SLC41A2: variants seen among roughly 807,000 people sequenced by gnomAD.
SLC41A2 encodes the protein solute carrier family 41 member 2.
A neutral mutation model predicts 58.3 loss-of-function variants in SLC41A2; 32 were observed. The ratio of observed to expected loss-of-function variants is 0.55; its 90% confidence interval spans 0.41 to 0.74. SLC41A2 has a LOEUF of 0.74. SLC41A2 is among the 30% of genes least tolerant of loss of function. SLC41A2 has a pLI of 0.00. For synonymous variants in SLC41A2, 190 were observed against 235.0 expected (o/e 0.81, Z 1.75); for missense variants, 514 against 680.6 (o/e 0.76, Z 2.72).
intron 10 of SLC41A2, among the ~76,000 whole-genome samples, chr12:104,806,595 G>C (rs1040463994): frequency 6.6e-6 from 1 of 151,896 alleles, no homozygotes; most frequent in Admixed American, 6.6e-5. Flanking sequence ...TGGGATGGCT[G>C]GGTCAAATGG....
At chr12:104,957,182 C>T (rs111777944) in intron 1 of SLC41A2, among the ~76,000 whole-genome samples, 1 of 145,456 alleles carries the variant, frequency 6.9e-6, no homozygotes, top group Non-Finnish European at 1.5e-5. Context: ...ACTGATACAA[C>T]AATATTAATA....
chr12:104,852,745 G>T (rs1468837981), intron 8 of SLC41A2, among the ~76,000 whole-genome samples: 1 of 151,838 alleles, frequency 6.6e-6, no homozygotes, highest in Non-Finnish European at 1.5e-5. Flanking sequence ...ATTATTGAAG[G>T]GGCTAATTAA....
At chr12:104,907,356 C>T (rs1225100959) in intron 3 of SLC41A2, among the ~76,000 whole-genome samples, 2 of 152,232 alleles carry the variant, frequency 1.3e-5, no homozygotes, top group East Asian at 3.9e-4. Context: ...TGGCTACATA[C>T]TATAGACTAA....
At chr12:104,843,864 G>A (rs1262224712) in intron 10 of SLC41A2, among the ~76,000 whole-genome samples, 2 of 152,074 alleles carry the variant, frequency 1.3e-5, no homozygotes, top group African/African-American at 4.8e-5. Context: ...TAATGCTTCT[G>A]AGCATATAGG....
rs116973505 is a variant in SLC41A2 at position 104,873,543 on chromosome 12, C to T, written c.1028-6964G>A. ...ATTTCATTTCCTTTGGATACATACC[C>T]AAAAGGGAGATTGCTGAGTCATGCA... On this transcript the variant is annotated intron_variant, in intron 6 of 10. Coordinates refer to ENST00000258538, the MANE Select transcript of SLC41A2 (RefSeq NM_001352171.3). 1.7e-3 allele frequency among the ~76,000 whole-genome samples: 265 copies of T among 152,212 alleles called. 1 individual carries two copies. The highest frequency in any genetic ancestry group is 3.0e-3 in the Non-Finnish European group (205 of 67,992).
At chr12:104,891,123 T>C (rs1251873681) in intron 4 of SLC41A2, among the ~76,000 whole-genome samples, 1 of 152,168 alleles carries the variant, frequency 6.6e-6, no homozygotes, top group Admixed American at 6.5e-5. Context: ...TTTTGTCTAC[T>C]TGTGACTGGG....
chr12:104,849,559 G>C (rs1381013540), intron 8 of SLC41A2, among the ~76,000 whole-genome samples: 1 of 152,212 alleles, frequency 6.6e-6, no homozygotes, highest in Admixed American at 6.5e-5. Flanking sequence ...CAAGTGCAGT[G>C]GCTCACACCT....
chr12:104,853,924 T>TA lies in SLC41A2; in HGVS notation c.1255+7366_1255+7367insT, dbSNP rs754224175. 6.6e-3 allele frequency among the ~76,000 whole-genome samples: 903 copies of TA among 136,748 alleles called. 29 individuals carry two copies. The highest frequency in any genetic ancestry group is 0.011 in the Non-Finnish European group (723 of 63,396). 89.7% of individuals were successfully genotyped at this position (136,748 alleles called of 152,430 possible). A position where few individuals can be genotyped will look rare whatever the true frequency, so the allele number is the denominator to read the frequency against. ...CATGCCTGGCTGATTTTTTTTTTTT[T>TA]TTTTTTTTTTTTTTTAGTAGAACTG... On this transcript the variant is annotated intron_variant, in intron 8 of 10. Coordinates refer to ENST00000258538, the MANE Select transcript of SLC41A2 (RefSeq NM_001352171.3).
intron 10 of SLC41A2, among the ~76,000 whole-genome samples, chr12:104,830,650 G>C (rs900284440): frequency 6.6e-6 from 1 of 151,994 alleles, no homozygotes; most frequent in Non-Finnish European, 1.5e-5. Context: ...CCACCGAAAG[G>C]ATTAATGAGA....
rs1462952119 is a variant in SLC41A2 at position 104,886,452 on chromosome 12, A to G, written c.881-13T>C. On this transcript the variant is annotated splice_polypyrimidine_tract_variant and intron_variant, in intron 5 of 10. Coordinates refer to ENST00000258538, the MANE Select transcript of SLC41A2 (RefSeq NM_001352171.3). ...ACCATTATTATTCCTAGAAGAAAGA[A>G]TGTTCATTACTTTTTAGGCTATGAT... 6.2e-7 allele frequency: 1 copy of G among 1,610,698 alleles called. No individual in the cohort carries two copies. Among genetic ancestry groups the G allele is most frequent in the Non-Finnish European group, 8.5e-7 (1 of 1,177,742 alleles).
chr12:104,931,004 T>C (rs1305242316), intron 1 of SLC41A2, among the ~76,000 whole-genome samples: 1 of 152,164 alleles, frequency 6.6e-6, no homozygotes, highest in African/African-American at 2.4e-5. Context: ...CTCAACCAGG[T>C]ATACCATACA....
chr12:104,956,190 G>C (rs568573486), intron 1 of SLC41A2, among the ~76,000 whole-genome samples: 1 of 152,248 alleles, frequency 6.6e-6, no homozygotes, highest in Non-Finnish European at 1.5e-5. Context: ...AAATGTAAAG[G>C]GGTCAGTAAG....
intron 1 of SLC41A2, among the ~76,000 whole-genome samples, chr12:104,946,497 C>A (rs769099003): frequency 3.0e-4 from 46 of 152,306 alleles, no homozygotes; most frequent in Non-Finnish European, 6.6e-4. Flanking sequence ...TGGTCTTGAA[C>A]TCCTGGCCAC....
At chr12:104,939,659 G>A (rs1007652435) in intron 1 of SLC41A2, among the ~76,000 whole-genome samples, 1 of 152,190 alleles carries the variant, frequency 6.6e-6, no homozygotes. Context: ...AAATCCAGTA[G>A]AGCTGAAAGT....
Position 104,895,319 on chromosome 12 carries a change from G to A in SLC41A2, c.690C>T (p.Pro230=), listed in dbSNP as rs765337076. ...CAATTATTAGGTTCCACTTTTCAAT[G>A]GGTGAATCCATCTTCCCAATATTTA... ...TAVNIGKMDS[P]IEKWNLIIGN... Residue 230 remains proline (P), a synonymous_variant, in exon 4 of 11, where the codon CCC becomes CCT. Transcript: ENST00000258538. 1.2e-6 allele frequency: 2 copies of A among 1,612,916 alleles called. No homozygotes were observed. Among genetic ancestry groups the A allele is most frequent in the Non-Finnish European group, 1.7e-6 (2 of 1,179,262 alleles).
At chr12:104,813,086 G>A (rs2041244878) in intron 10 of SLC41A2, among the ~76,000 whole-genome samples, 1 of 152,124 alleles carries the variant, frequency 6.6e-6, no homozygotes, top group African/African-American at 2.4e-5. Context: ...GGCTGAGGCA[G>A]GAGAATCGCT....
intron 8 of SLC41A2, among the ~76,000 whole-genome samples, chr12:104,857,775 T>C (rs891987602): frequency 6.9e-6 from 1 of 144,160 alleles, no homozygotes; most frequent in South Asian, 2.2e-4. Flanking sequence ...AAACACCGCA[T>C]GTTCTCACTC....
chr12:104,821,169 G>T (rs1389147526), intron 10 of SLC41A2, among the ~76,000 whole-genome samples: 1 of 151,644 alleles, frequency 6.6e-6, no homozygotes. Flanking sequence ...TAAAAATCAG[G>T]GCTTTAAAAA....
intron 2 of SLC41A2, among the ~76,000 whole-genome samples, chr12:104,921,792 A>G (rs533318058): frequency 5.2e-4 from 79 of 152,344 alleles, no homozygotes; most frequent in Non-Finnish European, 7.8e-4. Flanking sequence ...AATCTATCAA[A>G]AACAATAATA....
Sources: gnomAD v4.1 joint callset for allele counts (sites outside exome capture counted in the v4.1 genomes callset) on GRCh38, gnomAD v4.1.1 for gene constraint, MANE v1.5 for transcripts, NCBI Gene and HGNC (gene_info 2026-07-23, HGNC 2026-07-21) for gene names.